The following MYO16 variants were observed in gnomAD, a reference collection of about 807,000 sequenced individuals.
The protein encoded by MYO16 is unconventional myosin-XVI.
A neutral mutation model predicts 205.3 loss-of-function variants in MYO16; 94 were observed. That is an observed-to-expected ratio of 0.46 (90% CI 0.39 to 0.54). The LOEUF is 0.54. Among genes scored for constraint, MYO16 ranks in the 20% least tolerant of loss-of-function variants. The pLI, the probability that MYO16 is intolerant of heterozygous loss-of-function variation, is 0.00. For synonymous variants in MYO16, 988 were observed against 954.0 expected (o/e 1.04, Z -0.66); for missense variants, 2,315 against 2,387.5 (o/e 0.97, Z 0.63).
At chr13:109,034,826 G>A (rs1004999016) in intron 23 of MYO16, among the ~76,000 whole-genome samples, 1 of 151,964 alleles carries the variant, frequency 6.6e-6, no homozygotes, top group Non-Finnish European at 1.5e-5. Flanking sequence ...GCCATTCCTA[G>A]CCCCCTAAAA....
At chr13:108,520,838 G>A in the MYO16 span, among the ~76,000 whole-genome samples, 1 of 152,166 alleles carries the variant, frequency 6.6e-6, no homozygotes, top group Non-Finnish European at 1.5e-5. Flanking sequence ...ATAACTCGCA[G>A]TGGATGTTGC....
Position 108,957,818 on chromosome 13 carries a change from A to G in MYO16, c.2037+19A>G. On this transcript the variant is annotated intron_variant, in intron 17 of 34. Coordinates refer to ENST00000457511, the MANE Select transcript of MYO16 (RefSeq NM_001198950.3). Reference sequence around the variant, plus strand: ...CAGCTTGGTGAGTCATGTCATAAATATTTCACTGAGAAAATCAACCTTCTA... The same window carrying G: ...CAGCTTGGTGAGTCATGTCATAAATGTTTCACTGAGAAAATCAACCTTCTA... 6.4e-7 allele frequency: 1 copy of G among 1,555,166 alleles called. No homozygotes were observed. The highest frequency in any genetic ancestry group is 1.1e-5 in the South Asian group (1 of 89,496).
intron 1 of MYO16, among the ~76,000 whole-genome samples, chr13:108,656,792 C>G (rs1273997629): frequency 6.6e-6 from 1 of 152,184 alleles, no homozygotes; most frequent in African/African-American, 2.4e-5. Context: ...CTGAACCTTT[C>G]ACCAGAATCC....
chr13:108,972,043 A>G lies in MYO16; in HGVS notation c.2369+7141A>G, dbSNP rs553685109. Reference sequence around the variant, plus strand: ...AACCCCATCTCTACCCCACCCCCCAAAAAAATACAAAAAAGTTAGCCAGGT... The same window carrying G: ...AACCCCATCTCTACCCCACCCCCCAGAAAAATACAAAAAAGTTAGCCAGGT... On this transcript the variant is annotated intron_variant, in intron 20 of 34. Coordinates refer to ENST00000457511, the MANE Select transcript of MYO16 (RefSeq NM_001198950.3). 3.3e-4 allele frequency among the ~76,000 whole-genome samples: 50 copies of G among 149,902 alleles called. 3 individuals are homozygous for G. In the South Asian group the frequency reaches 0.01, roughly 30 times the overall value.
At chr13:108,594,448 T>C (rs898120825), upstream of MYO16, among the ~76,000 whole-genome samples, 3 of 152,212 alleles carry the variant, frequency 2.0e-5, no homozygotes, top group African/African-American at 7.2e-5. Context: ...AATGCCTGCT[T>C]CCCTCATTCT....
At chr13:108,630,299 C>T (rs759160466) in intron 1 of MYO16, among the ~76,000 whole-genome samples, 45 of 152,160 alleles carry the variant, frequency 3.0e-4, no homozygotes, top group African/African-American at 8.4e-4. Flanking sequence ...CTGCTTAAGC[C>T]TCTATTCAAT....
At chr13:108,899,669 C>T (rs7330298) in intron 15 of MYO16, among the ~76,000 whole-genome samples, 2,108 of 152,110 alleles carry the variant, frequency 0.014, 37 homozygotes, top group African/African-American at 0.048. Context: ...GGGAAGGGGC[C>T]GGATTTACTT....
At chr13:108,738,820 C>T (rs981681840) in intron 4 of MYO16, among the ~76,000 whole-genome samples, 5 of 152,110 alleles carry the variant, frequency 3.3e-5, no homozygotes, top group South Asian at 2.1e-4. Flanking sequence ...TCTGGGTGCT[C>T]CTGTATTGGG....
intron 24 of MYO16, chr13:109,048,225 C>A (rs1594500710): frequency 1.9e-6 from 1 of 520,638 alleles, no homozygotes; most frequent in Non-Finnish European, 3.6e-6. Flanking sequence ...AATATGATGG[C>A]TAGTCTGCTT....
chr13:108,976,403 T>C (rs1394315049), intron 20 of MYO16, among the ~76,000 whole-genome samples: 1 of 152,186 alleles, frequency 6.6e-6, no homozygotes, highest in East Asian at 1.9e-4. Context: ...GAAGCAGGGA[T>C]TGAACACAGA....
intron 34 of MYO16, among the ~76,000 whole-genome samples, chr13:109,198,630 A>C (rs1447459040): frequency 2.0e-5 from 3 of 152,228 alleles, no homozygotes; most frequent in Non-Finnish European, 4.4e-5. Context: ...AGTCATCAGG[A>C]TAATCATAAT....
intron 33 of MYO16, among the ~76,000 whole-genome samples, chr13:109,176,469 G>A (rs577158727): frequency 7.0e-5 from 10 of 142,872 alleles, no homozygotes; most frequent in Middle Eastern, 3.8e-3. Context: ...ACATGAATCC[G>A]TTTTCTTTTT....
chr13:108,734,250 A>G (rs1884618672), intron 4 of MYO16, among the ~76,000 whole-genome samples: 1 of 152,066 alleles, frequency 6.6e-6, no homozygotes, highest in African/African-American at 2.4e-5. Context: ...ATGCAATAAA[A>G]CAAAGGCAGC....
In MYO16 at chr13:108,820,278, C is replaced by G; in HGVS notation, c.868-59C>G. On this transcript the variant is annotated intron_variant, in intron 7 of 34. Coordinates refer to ENST00000457511, the MANE Select transcript of MYO16 (RefSeq NM_001198950.3). ...GTTGGACAGCACAGTGTATGACTTA[C>G]TGATGTATCCTAGCTTCTGCCATGG... The G allele has an allele frequency of 4.0e-6, 5 of 1,251,144 alleles. No homozygotes were observed. The South Asian group carries it at 5.1e-5, about 13-fold the overall frequency. The allele number at this position is 1,251,144 out of a possible 1,614,324, so 77.5% of individuals were successfully genotyped here.
intron 22 of MYO16, among the ~76,000 whole-genome samples, chr13:109,012,583 C>G (rs111677816): frequency 3.3e-5 from 5 of 152,028 alleles, no homozygotes; most frequent in South Asian, 4.1e-4. Context: ...CCATCCCCCC[C>G]ACCCCTGGTC....
At chr13:108,767,680 G>T (rs1566595132) in intron 4 of MYO16, among the ~76,000 whole-genome samples, 1 of 152,038 alleles carries the variant, frequency 6.6e-6, no homozygotes, top group Non-Finnish European at 1.5e-5. Flanking sequence ...AAGAAGGCAG[G>T]TAATCAAACC....
the MYO16 span, among the ~76,000 whole-genome samples, chr13:108,504,133 G>GT: frequency 1.1e-4 from 16 of 152,130 alleles, no homozygotes; most frequent in African/African-American, 2.2e-4. Flanking sequence ...GTTTTGTTTT[G>GT]TTTTTTGTGA....
intron 4 of MYO16, among the ~76,000 whole-genome samples, chr13:108,782,178 T>G (rs546124707): frequency 6.6e-6 from 1 of 152,180 alleles, no homozygotes; most frequent in East Asian, 1.9e-4. Flanking sequence ...ACTTGTTGAA[T>G]GGCTTTGACA....
chr13:109,096,546 C>T (rs771258792), intron 27 of MYO16, among the ~76,000 whole-genome samples: 3 of 152,156 alleles, frequency 2.0e-5, no homozygotes, highest in Non-Finnish European at 4.4e-5. Context: ...TATCAAAAGA[C>T]GATTGTCATC....
Sources: allele counts gnomAD v4.1 joint callset (sites outside exome capture counted in the v4.1 genomes callset), GRCh38; gene constraint gnomAD v4.1.1; transcripts MANE v1.5; gene names NCBI Gene and HGNC (gene_info 2026-07-23, HGNC 2026-07-21).